The following LDLRAD4 variants were observed in gnomAD, a reference collection of about 807,000 sequenced individuals.
LDLRAD4 encodes the protein low density lipoprotein receptor class A domain containing 4, also known as low-density lipoprotein receptor class A domain-containing protein 4.
Under a neutral mutation model 17.0 loss-of-function variants are expected in LDLRAD4, and 5 were observed. The observed-to-expected ratio is 0.29, with a 90% confidence interval of 0.15 to 0.62. The LOEUF (loss-of-function observed/expected upper bound fraction) is 0.62. Among genes scored for constraint, LDLRAD4 ranks in the 20% least tolerant of loss-of-function variants. The probability of loss-of-function intolerance (pLI) is 0.84; values close to 1 mark genes in which losing one functional copy is unlikely to be tolerated. For missense variants in LDLRAD4, 340 were observed against 424.7 expected (o/e 0.80, Z 1.75); for synonymous variants, 168 against 171.8 (o/e 0.98, Z 0.17).
chr18:13,346,025 A>T (rs2082665721), intron 1 of LDLRAD4, among the ~76,000 whole-genome samples: 1 of 152,086 alleles, frequency 6.6e-6, no homozygotes, highest in South Asian at 2.1e-4. Context: ...CTTTTCAAAA[A>T]ACCAGCTCCT....
intron 1 of LDLRAD4, among the ~76,000 whole-genome samples, chr18:13,330,465 G>A (rs920402002): frequency 1.2e-4 from 18 of 152,062 alleles, no homozygotes; most frequent in African/African-American, 3.6e-4. Context: ...CTTCTTTTGT[G>A]TCTGTTGTTT....
rs1479799417 is a variant in LDLRAD4 at position 13,300,575 on chromosome 18, T to G, written c.-383+22387T>G. ...CCGGAACCCTCTCCTTCTCCTGGCTTATTTCGGGGTGGGTGTGTGAGAATT... is the reference window on the plus strand; with the variant it reads ...CCGGAACCCTCTCCTTCTCCTGGCTGATTTCGGGGTGGGTGTGTGAGAATT... On this transcript the variant is annotated intron_variant, in intron 1 of 5. Coordinates refer to ENST00000359446, the Ensembl canonical transcript of LDLRAD4. The surrounding 1 kb of genome is among the most constrained non-coding windows in gnomAD (Gnocchi z 4.2). Among the ~76,000 whole-genome samples, 1 of 152,134 alleles carries G rather than the reference T, an allele frequency of 6.6e-6. No individual in the cohort carries two copies. Among genetic ancestry groups the G allele is most frequent in the Admixed American group, 6.5e-5 (1 of 15,282 alleles).
intron 1 of LDLRAD4, among the ~76,000 whole-genome samples, chr18:13,363,908 A>G (rs11873077): frequency 0.085 from 12,991 of 152,216 alleles, 1,593 homozygotes; most frequent in African/African-American, 0.27. Flanking sequence ...GTCAGGTTCA[A>G]AAGTCTCTAA....
chr18:13,536,469 T>C (rs1245321975), intron 3 of LDLRAD4, among the ~76,000 whole-genome samples: 1 of 152,228 alleles, frequency 6.6e-6, no homozygotes, highest in African/African-American at 2.4e-5. Context: ...AACCCTGTAT[T>C]CTGTGACTTT....
At chr18:13,564,798 G>GT (rs1278696419) in intron 3 of LDLRAD4, among the ~76,000 whole-genome samples, 9 of 152,126 alleles carry the variant, frequency 5.9e-5, no homozygotes, top group East Asian at 1.9e-4. Flanking sequence ...CCTGTGGCTG[G>GT]TCGGGGGTCA....
chr18:13,353,700 C>G (rs368227020), intron 1 of LDLRAD4, among the ~76,000 whole-genome samples: 1 of 152,326 alleles, frequency 6.6e-6, no homozygotes, highest in East Asian at 1.9e-4. Context: ...CAGGTCTACT[C>G]CCTTCAGAGG....
At chr18:13,299,767 G>A in intron 1 of LDLRAD4, among the ~76,000 whole-genome samples, 1 of 152,090 alleles carries the variant, frequency 6.6e-6, no homozygotes. Flanking sequence ...ACTTGAGCCT[G>A]GGAGGTTGAG....
exon 6 of LDLRAD4, chr18:13,647,714 C>G (rs2043067824): frequency 6.6e-6 from 1 of 152,274 alleles, no homozygotes; most frequent in African/African-American, 2.4e-5. Flanking sequence ...ACTAGTCCAA[C>G]TCTTAAAAGG....
intron 3 of LDLRAD4, among the ~76,000 whole-genome samples, chr18:13,598,088 T>C (rs374011585): frequency 6.6e-5 from 10 of 152,216 alleles, no homozygotes; most frequent in Admixed American, 4.6e-4. Context: ...CCTTTGCTTG[T>C]CTCATTTTTT....
intron 3 of LDLRAD4, among the ~76,000 whole-genome samples, chr18:13,544,070 G>A (rs1165852879): frequency 1.3e-5 from 2 of 152,280 alleles, no homozygotes; most frequent in Non-Finnish European, 2.9e-5. Context: ...AGCTGAGGCC[G>A]CACTTCTGGG....
chr18:13,519,045 A>G (rs1457146279), intron 3 of LDLRAD4, among the ~76,000 whole-genome samples: 1 of 152,238 alleles, frequency 6.6e-6, no homozygotes, highest in African/African-American at 2.4e-5. Flanking sequence ...CCCGTCTGCT[A>G]GCTGCAAGAG....
intron 1 of LDLRAD4, among the ~76,000 whole-genome samples, chr18:13,238,653 T>C (rs2042459273): frequency 6.6e-6 from 1 of 152,170 alleles, no homozygotes; most frequent in Non-Finnish European, 1.5e-5. Context: ...TGGGTTCACA[T>C]CTCTGTGAGG....
chr18:13,636,800 A>ATT (rs531665088), intron 4 of LDLRAD4, among the ~76,000 whole-genome samples: 1 of 125,052 alleles, frequency 8.0e-6, no homozygotes. Flanking sequence ...GCACCCAGCA[A>ATT]TTTTTTTTTT....
At chr18:13,321,727 G>A (rs1265764870) in intron 1 of LDLRAD4, among the ~76,000 whole-genome samples, 1 of 151,838 alleles carries the variant, frequency 6.6e-6, no homozygotes, top group Non-Finnish European at 1.5e-5. Flanking sequence ...GTTGTGTGGT[G>A]ATGTGTGCCT....
chr18:13,592,038 A>C (rs997055039), intron 3 of LDLRAD4, among the ~76,000 whole-genome samples: 5 of 152,240 alleles, frequency 3.3e-5, no homozygotes, highest in African/African-American at 1.2e-4. Flanking sequence ...ACAGAGCCAA[A>C]GGTGCACATG....
intron 2 of LDLRAD4, among the ~76,000 whole-genome samples, chr18:13,388,330 C>T (rs909858898): frequency 2.0e-5 from 3 of 152,128 alleles, no homozygotes; most frequent in African/African-American, 7.2e-5. Context: ...GAGCCCTCGC[C>T]CAAGACACAG....
rs1555667461 is a variant in LDLRAD4 at position 13,379,966 on chromosome 18, G to GCCCCTGCCTGCCAGC, written c.-382-7367_-382-7366insTGCCAGCCCCCTGCC. ...TGGGTGTGGAGGATTGCAGAGGCCT[G>GCCCCTGCCTGCCAGC]CCCCTGCCCGCCAGCCCCCTGCCCG... On this transcript the variant is annotated intron_variant, in intron 1 of 5. Transcript: ENST00000359446. Among the ~76,000 whole-genome samples the GCCCCTGCCTGCCAGC allele has an allele frequency of 3.4e-4, 50 of 145,604 alleles. No homozygotes were observed. In the East Asian group the frequency reaches 7.2e-3, roughly 21 times the overall value.
At chr18:13,301,495 T>C (rs1467152612) in intron 1 of LDLRAD4, among the ~76,000 whole-genome samples, 1 of 152,102 alleles carries the variant, frequency 6.6e-6, no homozygotes, top group Admixed American at 6.5e-5. Flanking sequence ...AATTAAGTCC[T>C]GTGGGTCACG....
At chr18:13,340,307 A>G (rs1489345460) in intron 1 of LDLRAD4, among the ~76,000 whole-genome samples, 2 of 152,144 alleles carry the variant, frequency 1.3e-5, no homozygotes, top group African/African-American at 4.8e-5. Context: ...GCTGGGACAT[A>G]TCGTAATTCT....
Sources: allele counts gnomAD v4.1 joint callset (sites outside exome capture counted in the v4.1 genomes callset), GRCh38; gene constraint gnomAD v4.1.1; non-coding constraint Gnocchi (gnomAD v3.1); transcripts MANE v1.5; gene names NCBI Gene and HGNC (gene_info 2026-07-23, HGNC 2026-07-21).